GALNT13: variants seen among roughly 807,000 people sequenced by gnomAD.
GALNT13 encodes the protein polypeptide N-acetylgalactosaminyltransferase 13, also known as UDP-GalNAc:polypeptide N-acetylgalactosaminyltransferase 13.
A neutral mutation model predicts 64.2 loss-of-function variants in GALNT13; 28 were observed. The ratio of observed to expected loss-of-function variants is 0.44; its 90% CI spans 0.32 to 0.60. The LOEUF is 0.60. GALNT13 is among the 20% of genes least tolerant of loss of function. The pLI is 0.05. For synonymous variants in GALNT13, 214 were observed against 224.6 expected (o/e 0.95, Z 0.42); for missense variants, 577 against 669.8 (o/e 0.86, Z 1.53).
chr2:153,873,439 G>C (rs1686132011), intron 1 of GALNT13, among the ~76,000 whole-genome samples: 1 of 152,252 alleles, frequency 6.6e-6, no homozygotes, highest in Admixed American at 6.5e-5. Context: ...ATTTCCAGGA[G>C]GAGAGTCTGC....
chr2:153,336,385 A>G, the GALNT13 span, among the ~76,000 whole-genome samples: 120,837 of 152,116 alleles, frequency 0.79, 48,941 homozygotes, highest in Non-Finnish European at 0.86. Flanking sequence ...AGCCACAGGG[A>G]CGTAGCTGCC....
the GALNT13 span, among the ~76,000 whole-genome samples, chr2:153,316,643 A>C: frequency 3.3e-5 from 5 of 150,904 alleles, no homozygotes; most frequent in Non-Finnish European, 3.0e-5. Flanking sequence ...CCGTCTCAAA[A>C]AAAAAAAAAA....
At chr2:153,397,693 C>T in the GALNT13 span, among the ~76,000 whole-genome samples, 3 of 151,256 alleles carry the variant, frequency 2.0e-5, no homozygotes, top group African/African-American at 7.3e-5. Flanking sequence ...AAGTGGAGAA[C>T]TAAGAAAAGC....
At chr2:153,940,500 A>T (rs1574161736) in intron 2 of GALNT13, among the ~76,000 whole-genome samples, 1 of 151,950 alleles carries the variant, frequency 6.6e-6, no homozygotes, top group East Asian at 1.9e-4. Flanking sequence ...CAGGTGATCT[A>T]CCTGCCTCAG....
intron 2 of GALNT13, among the ~76,000 whole-genome samples, chr2:153,927,698 C>A (rs1209692655): frequency 6.6e-6 from 1 of 151,934 alleles, no homozygotes; most frequent in Non-Finnish European, 1.5e-5. Flanking sequence ...TAATTATTTA[C>A]TTCTTTCCTC....
At chr2:153,989,979 A>G (rs763571858) in intron 3 of GALNT13, among the ~76,000 whole-genome samples, 3 of 152,120 alleles carry the variant, frequency 2.0e-5, no homozygotes, top group Admixed American at 2.0e-4. Flanking sequence ...ATATGACAAT[A>G]TGTTGGTTGA....
intron 3 of GALNT13, among the ~76,000 whole-genome samples, chr2:154,131,080 G>C (rs1263258830): frequency 6.6e-6 from 1 of 152,116 alleles, no homozygotes; most frequent in Non-Finnish European, 1.5e-5. Flanking sequence ...TGCAAGATAA[G>C]GGCCTTTTAA....
the GALNT13 span, among the ~76,000 whole-genome samples, chr2:153,252,589 G>A: frequency 1.3e-5 from 2 of 152,070 alleles, no homozygotes; most frequent in African/African-American, 4.8e-5. Context: ...TTCTTCTAGG[G>A]TTTTTACGGT....
At chr2:153,382,319 C>A in the GALNT13 span, among the ~76,000 whole-genome samples, 1 of 151,808 alleles carries the variant, frequency 6.6e-6, no homozygotes, top group East Asian at 1.9e-4. Flanking sequence ...CAACCAGTGG[C>A]CCCCTCCTTC....
chr2:153,606,961 T>C, the GALNT13 span, among the ~76,000 whole-genome samples: 1 of 151,926 alleles, frequency 6.6e-6, no homozygotes, highest in Admixed American at 6.6e-5. Context: ...CTTTTCATAT[T>C]TCAGTATATA....
At chr2:154,433,432 T>C (rs1376043878) in intron 11 of GALNT13, among the ~76,000 whole-genome samples, 3 of 151,630 alleles carry the variant, frequency 2.0e-5, no homozygotes, top group Non-Finnish European at 4.4e-5. Context: ...CAGGAAGGAG[T>C]TATACAAACC....
chr2:153,815,563 A>G, the GALNT13 span, among the ~76,000 whole-genome samples: 6 of 152,202 alleles, frequency 3.9e-5, no homozygotes, highest in East Asian at 1.2e-3. Context: ...CTCTCCAAAC[A>G]TACAAATCTT....
At chr2:153,265,028 C>T in the GALNT13 span, among the ~76,000 whole-genome samples, 1 of 152,318 alleles carries the variant, frequency 6.6e-6, no homozygotes, top group East Asian at 1.9e-4. Context: ...TTTACTGTGG[C>T]TGAGCTGATA....
At chr2:153,113,512 A>G in the GALNT13 span, among the ~76,000 whole-genome samples, 3 of 151,988 alleles carry the variant, frequency 2.0e-5, no homozygotes, top group Non-Finnish European at 4.4e-5. Context: ...ATATGTGCTT[A>G]GGGAAGCACA....
intron 4 of GALNT13, among the ~76,000 whole-genome samples, chr2:154,208,863 C>T (rs771007009): frequency 1.1e-4 from 17 of 152,096 alleles, no homozygotes; most frequent in Middle Eastern, 3.4e-3. Flanking sequence ...GTCTGTATTA[C>T]CTTCATTGAA....
the GALNT13 span, among the ~76,000 whole-genome samples, chr2:153,715,080 G>C: frequency 7.9e-5 from 12 of 151,986 alleles, no homozygotes; most frequent in African/African-American, 2.7e-4. Flanking sequence ...ATCATTCTTA[G>C]TGAACTATCA....
At chr2:153,524,704 C>G in the GALNT13 span, among the ~76,000 whole-genome samples, 5 of 152,158 alleles carry the variant, frequency 3.3e-5, no homozygotes, top group Non-Finnish European at 5.9e-5. Flanking sequence ...TAAACTAGCT[C>G]TAGCTATAGG....
intron 2 of GALNT13, among the ~76,000 whole-genome samples, chr2:153,927,681 C>T (rs539886627): frequency 6.6e-6 from 1 of 151,934 alleles, no homozygotes; most frequent in South Asian, 2.1e-4. Flanking sequence ...ATATTTAGTT[C>T]TTTATGTAAT....
chr2:153,373,290 A>G, the GALNT13 span, among the ~76,000 whole-genome samples: 1 of 152,208 alleles, frequency 6.6e-6, no homozygotes, highest in East Asian at 1.9e-4. Context: ...ACTTTTGACT[A>G]AGAAAAACAA....
Sources: allele counts gnomAD v4.1 joint callset (sites outside exome capture counted in the v4.1 genomes callset), GRCh38; gene constraint gnomAD v4.1.1; transcripts MANE v1.5; gene names NCBI Gene and HGNC (gene_info 2026-07-23, HGNC 2026-07-21).